SLC12A1: variants seen among roughly 807,000 people sequenced by gnomAD.
SLC12A1 encodes Na-K-2Cl cotransporter.
Under a neutral mutation model 130.4 loss-of-function variants are expected in SLC12A1, and 89 were observed. The ratio of observed to expected loss-of-function variants is 0.68; its 90% CI spans 0.58 to 0.81. The LOEUF (loss-of-function observed/expected upper bound fraction) is 0.81, where lower values mean the gene tolerates loss of function less well. Among genes scored for constraint, SLC12A1 ranks in the 40% least tolerant of loss-of-function variants. The pLI, the probability that SLC12A1 is intolerant of heterozygous loss-of-function variation, is 0.00. For synonymous variants in SLC12A1, 499 were observed against 460.0 expected (o/e 1.08, Z -1.09); for missense variants, 1,310 against 1,336.4 (o/e 0.98, Z 0.31).
chr15:48,302,814 C>G lies in SLC12A1; in HGVS notation c.3229C>G (p.Leu1077Val), dbSNP rs1657117157. 1 of 1,613,126 alleles carries G rather than the reference C, an allele frequency of 6.2e-7. No homozygotes were observed. The highest frequency in any genetic ancestry group is 1.3e-5 in the African/African-American group (1 of 74,848). The change falls in exon 27 of 27, where the codon CTC becomes GTC. Residue 1077 changes from leucine to valine, a missense_variant. Transcript: ENST00000380993. ...GTTGTATATGGCTTGGTTGGAAATC[C>G]TCACAAAGAACCTCCCACCTGTCTT... is the stretch of plus-strand genomic sequence containing the variant. ...DLLYMAWLEI[L>V]TKNLPPVLLV... is the part of the protein sequence containing the mutation.
At position 48,247,455 on chromosome 15, in the gene SLC12A1, T is replaced by C. The variant is rs1370120380; in HGVS notation, c.1679T>C (p.Leu560Pro). The change falls in exon 13 of 27, where the codon CTT becomes CCT. Residue 560 changes from leucine (L) to proline (P), a missense_variant. By Grantham distance (98) the Leu-to-Pro change is moderately conservative. Coordinates refer to ENST00000380993, the MANE Select transcript of SLC12A1 (RefSeq NM_000338.3). The stretch of plus-strand genomic sequence containing the variant: ...TTTCTTATAGCCATGGCATTTATTC[T>C]TATTGGTTTGTAAAGTTTTCTTGTT... Reference protein sequence around the residue: ...LTFLIAMAFILIAELNTIAPI... With the variant: ...LTFLIAMAFIPIAELNTIAPI... 1 of 1,602,488 alleles carries C rather than the reference T, an allele frequency of 6.2e-7. No homozygotes were observed. Among genetic ancestry groups the C allele is most frequent in the East Asian group, 2.2e-5 (1 of 44,816 alleles).
intron 20 of SLC12A1, among the ~76,000 whole-genome samples, chr15:48,280,593 A>T (rs2042000324): frequency 6.6e-6 from 1 of 152,148 alleles, no homozygotes; most frequent in Non-Finnish European, 1.5e-5. Flanking sequence ...GGCCTTATAA[A>T]CTATGACATA....
rs576691734 is a variant in SLC12A1, at chr15:48,246,556, G to A, written c.1453-353G>A. On this transcript the variant is annotated intron_variant, in intron 11 of 26. Transcript: ENST00000380993. ...AGCCCTTTGAGAGGCTGAGGTGGGCGGATCACTTGAGGTCAGGAGTTCAAG... is the reference window on the plus strand; with the variant it reads ...AGCCCTTTGAGAGGCTGAGGTGGGCAGATCACTTGAGGTCAGGAGTTCAAG... Among the ~76,000 whole-genome samples the A allele has an allele frequency of 5.3e-5, 8 of 152,258 alleles. No individual in the cohort carries two copies. The South Asian group carries it at 1.5e-3, about 28-fold the overall frequency.
At chr15:48,264,240 G>T (rs193139080) in intron 17 of SLC12A1, among the ~76,000 whole-genome samples, 1 of 151,970 alleles carries the variant, frequency 6.6e-6, no homozygotes, top group Non-Finnish European at 1.5e-5. Flanking sequence ...GACTTTGACC[G>T]GCTCTTAGAC....
Position 48,226,470 on chromosome 15 carries a change from TA to T in SLC12A1, c.629-4del. 6.5e-7 allele frequency: 1 copy of T among 1,541,386 alleles called. No individual in the cohort carries two copies. The highest frequency in any genetic ancestry group is 8.9e-7 in the Non-Finnish European group (1 of 1,129,774). On this transcript the variant is annotated splice_region_variant and splice_polypyrimidine_tract_variant and intron_variant, in intron 4 of 26. Transcript: ENST00000380993. ...TGCAATATCTTCTATCTTTCATTGC[TA>T]ACAGGTCTTGGAGTTCTCATAATTC...
chr15:48,284,399 C>A (rs2042036756), intron 20 of SLC12A1, among the ~76,000 whole-genome samples: 1 of 152,164 alleles, frequency 6.6e-6, no homozygotes, highest in Non-Finnish European at 1.5e-5. Context: ...GTAATTTTGT[C>A]ACTTCCAGTT....
intron 2 of SLC12A1, among the ~76,000 whole-genome samples, chr15:48,214,177 C>T (rs1202289388): frequency 1.3e-5 from 2 of 152,148 alleles, no homozygotes; most frequent in African/African-American, 4.8e-5. Flanking sequence ...TGAACCTCTG[C>T]AACTAAGAGT....
intron 24 of SLC12A1, among the ~76,000 whole-genome samples, chr15:48,295,090 T>G (rs950896137): frequency 2.7e-5 from 4 of 150,596 alleles, no homozygotes; most frequent in African/African-American, 9.8e-5. Flanking sequence ...TTTTTTTTTT[T>G]TGTAAAGAAA....
rs557446202 is a variant in SLC12A1 at position 48,279,419 on chromosome 15, G to A, written c.2485+4766G>A. 2.1e-4 allele frequency among the ~76,000 whole-genome samples: 32 copies of A among 152,220 alleles called. 1 individual carries two copies. In the South Asian group the frequency reaches 5.6e-3, roughly 27 times the overall value. On this transcript the variant is annotated intron_variant, in intron 20 of 26. Transcript: ENST00000380993. ...GTGCCCATATACTGTAGTTAATAAA[G>A]CAGTGAATAGAAATCAGCTTTATAG...
At chr15:48,212,804 T>G (rs1388794431) in intron 2 of SLC12A1, among the ~76,000 whole-genome samples, 1 of 152,306 alleles carries the variant, frequency 6.6e-6, no homozygotes, top group East Asian at 1.9e-4. Flanking sequence ...AGAAGCTAAC[T>G]CTATAGAAAC....
At position 48,226,589 on chromosome 15, in the gene SLC12A1, T is replaced by C. The variant is rs1287454922; in HGVS notation, c.724+18T>C. ...TCGTGGAGGTAAAATCTCTAAGATATCTAATGCCCTCATCACTTGCTACGG... is the reference window on the plus strand; with the variant it reads ...TCGTGGAGGTAAAATCTCTAAGATACCTAATGCCCTCATCACTTGCTACGG... On this transcript the variant is annotated intron_variant, in intron 5 of 26. Transcript: ENST00000380993. 2.0e-6 allele frequency: 3 copies of C among 1,476,070 alleles called. No individual in the cohort carries two copies. Among genetic ancestry groups the C allele is most frequent in the Non-Finnish European group, 2.8e-6 (3 of 1,056,822 alleles). 91.4% of individuals were successfully genotyped at this position (1,476,070 alleles called of 1,614,324 possible). A position where few individuals can be genotyped will look rare whatever the true frequency, so the allele number is the denominator to read the frequency against.
At chr15:48,240,338 G>T (rs1476333876) in intron 9 of SLC12A1, among the ~76,000 whole-genome samples, 2 of 151,632 alleles carry the variant, frequency 1.3e-5, no homozygotes, top group Non-Finnish European at 2.9e-5. Context: ...CCACACTGAC[G>T]ACGACAATAG....
chr15:48,215,242 G>A (rs549048605), intron 2 of SLC12A1, among the ~76,000 whole-genome samples: 2 of 152,114 alleles, frequency 1.3e-5, no homozygotes, highest in South Asian at 4.1e-4. Context: ...TCATTATCAA[G>A]AACTCATTGC....
At chr15:48,235,741 G>C (rs533758721) in intron 9 of SLC12A1, among the ~76,000 whole-genome samples, 3 of 151,946 alleles carry the variant, frequency 2.0e-5, no homozygotes, top group Non-Finnish European at 4.4e-5. Flanking sequence ...TCATCCCGTA[G>C]GCCATCCAGT....
intron 2 of SLC12A1, chr15:48,217,735 T>C (rs1248925622): frequency 3.3e-5 from 5 of 152,226 alleles, no homozygotes; most frequent in African/African-American, 1.2e-4. Context: ...AACTAGGATA[T>C]CTGCTCTTAA....
At chr15:48,224,910 A>G (rs2041264665) in intron 4 of SLC12A1, 1 of 152,128 alleles carries the variant, frequency 6.6e-6, no homozygotes, top group African/African-American at 2.4e-5. Context: ...CCCTCTCTTT[A>G]TAATCATCAA....
rs1392667511 is a variant in SLC12A1, at chr15:48,229,244, A to T, written c.780A>T (p.Ile260=). 6.3e-7 allele frequency: 1 copy of T among 1,597,602 alleles called. No homozygotes were observed. Among genetic ancestry groups the T allele is most frequent in the Non-Finnish European group, 8.5e-7 (1 of 1,171,340 alleles). Residue 260 remains isoleucine (I), a synonymous_variant, in exon 6 of 27, where the codon ATA becomes ATT. Transcript: ENST00000380993. ...RSLGPEFGGS[I]GLIFAFANAV... is the part of the protein sequence containing the mutation. ...TAGGGCCCGAGTTCGGTGGGTCAATAGGCCTGATCTTTGCTTTTGCTAATG... is the reference window on the plus strand; with the variant it reads ...TAGGGCCCGAGTTCGGTGGGTCAATTGGCCTGATCTTTGCTTTTGCTAATG...
chr15:48,275,957 G>C (rs915146426), intron 20 of SLC12A1, among the ~76,000 whole-genome samples: 5 of 152,188 alleles, frequency 3.3e-5, no homozygotes, highest in African/African-American at 1.2e-4. Context: ...AATGGAAATA[G>C]ATAAATCAAA....
intron 24 of SLC12A1, among the ~76,000 whole-genome samples, chr15:48,295,326 A>G (rs1422472032): frequency 2.0e-5 from 3 of 151,960 alleles, no homozygotes; most frequent in Non-Finnish European, 4.4e-5. Context: ...TTACTTGTCA[A>G]TCTGGTTTTC....
Sources: gnomAD v4.1 joint callset for allele counts (sites outside exome capture counted in the v4.1 genomes callset) on GRCh38, gnomAD v4.1.1 for gene constraint, MANE v1.5 for transcripts, NCBI Gene and HGNC (gene_info 2026-07-23, HGNC 2026-07-21) for gene names.